The following ABTB2 variants were observed in gnomAD, a reference collection of about 807,000 sequenced individuals.
ABTB2 encodes ankyrin repeat and BTB domain containing 2.
In ABTB2, 56 loss-of-function variants were observed where a neutral mutation model predicts 104.1. The ratio of observed to expected loss-of-function variants is 0.54; its 90% CI spans 0.43 to 0.67. The LOEUF (loss-of-function observed/expected upper bound fraction) is 0.67. ABTB2 is among the 30% of genes least tolerant of loss of function. The pLI, the probability that ABTB2 is intolerant of heterozygous loss-of-function variation, is 0.00. For missense variants in ABTB2, 1,279 were observed against 1,407.7 expected, an observed-to-expected ratio of 0.91 and a Z score of 1.46; for synonymous variants, 606 against 608.2, an observed-to-expected ratio of 1.00 and a Z score of 0.05.
At chr11:34,205,730 A>C (rs568330302) in intron 1 of ABTB2, among the ~76,000 whole-genome samples, 1 of 152,320 alleles carries the variant, frequency 6.6e-6, no homozygotes, top group African/African-American at 2.4e-5. Flanking sequence ...GAAGTCCCTA[A>C]ACACGTGTGA....
At chr11:34,230,122 C>A (rs1214200567) in intron 1 of ABTB2, among the ~76,000 whole-genome samples, 1 of 152,212 alleles carries the variant, frequency 6.6e-6, no homozygotes, top group Non-Finnish European at 1.5e-5. Flanking sequence ...GTGGCACACG[C>A]ACTCAGCACT....
chr11:34,317,910 CTAATATG>C (rs1854957190), intron 1 of ABTB2, among the ~76,000 whole-genome samples: 1 of 151,894 alleles, frequency 6.6e-6, no homozygotes, highest in Non-Finnish European at 1.5e-5. Flanking sequence ...AACACTTTAC[CTAATATG>C]TAATTTTTCA....
rs289981 is a variant in ABTB2, at chr11:34,223,626, T to G, written c.884-18936A>C. ...ACTGTCACCCCTGCTTTGCAGCTTG[T>G]GCCTTGCAGGCAGCAGGCCTGGGGG... On this transcript the variant is annotated intron_variant, in intron 1 of 16. Coordinates refer to ENST00000435224, the MANE Select transcript of ABTB2 (RefSeq NM_145804.3). Among the ~76,000 whole-genome samples the G allele has an allele frequency of 6.3e-3, 955 of 152,234 alleles. 12 individuals are homozygous for G. Among genetic ancestry groups the G allele is most frequent in the African/African-American group, 0.021 (881 of 41,554 alleles).
Position 34,357,915 on chromosome 11 carries a change from G to T in ABTB2, c.-332C>A. On this transcript the variant is annotated 5_prime_UTR_variant, in exon 1 of 17. Coordinates refer to ENST00000435224, the MANE Select transcript of ABTB2 (RefSeq NM_145804.3). ...CAGAGAAGGAATCCCGGGAGAACAGGGCGGCGGCGGCAGAAGGAGGAGGCG... is the reference window on the plus strand; with the variant it reads ...CAGAGAAGGAATCCCGGGAGAACAGTGCGGCGGCGGCAGAAGGAGGAGGCG... 1 of 260,324 alleles carries T rather than the reference G, an allele frequency of 3.8e-6. No individual in the cohort carries two copies. Among genetic ancestry groups the T allele is most frequent in the South Asian group, 1.2e-4 (1 of 8,310 alleles). 16.1% of individuals were successfully genotyped at this position (260,324 alleles called of 1,614,324 possible).
At chr11:34,193,715 C>T in intron 3 of ABTB2, among the ~76,000 whole-genome samples, 1 of 152,218 alleles carries the variant, frequency 6.6e-6, no homozygotes, top group East Asian at 1.9e-4. Context: ...TTACTTAGCC[C>T]CATTTTACAG....
chr11:34,160,868 C>G (rs373513180), intron 11 of ABTB2, 35 bp downstream of exon 11: 1 of 1,568,600 alleles, frequency 6.4e-7, no homozygotes, highest in Non-Finnish European at 8.7e-7. Flanking sequence ...GAGTCTGGGC[C>G]GTGGGCTTGG....
At chr11:34,195,767 T>G (rs1171023555) in intron 3 of ABTB2, among the ~76,000 whole-genome samples, 1 of 152,196 alleles carries the variant, frequency 6.6e-6, no homozygotes, top group Non-Finnish European at 1.5e-5. Flanking sequence ...CTCAGCACAG[T>G]GCCTAGCACA....
intron 3 of ABTB2, among the ~76,000 whole-genome samples, chr11:34,186,989 T>A (rs1319438535): frequency 6.6e-6 from 1 of 152,212 alleles, no homozygotes; most frequent in East Asian, 1.9e-4. Context: ...ATTCATTGCA[T>A]TATTATTGAT....
intron 7 of ABTB2, among the ~76,000 whole-genome samples, chr11:34,165,958 C>T (rs571999006): frequency 7.0e-4 from 107 of 152,324 alleles, no homozygotes; most frequent in African/African-American, 2.4e-3. Context: ...GGGCCTCTCC[C>T]CATGCTAGCA....
chr11:34,314,278 G>A (rs923457384), intron 1 of ABTB2, among the ~76,000 whole-genome samples: 3 of 152,144 alleles, frequency 2.0e-5, no homozygotes, highest in East Asian at 1.9e-4. Context: ...TGTTCTTCTC[G>A]GATATGCTGA....
chr11:34,225,915 G>C (rs2473900), intron 1 of ABTB2, among the ~76,000 whole-genome samples: 23,664 of 149,766 alleles, frequency 0.16, 1,943 homozygotes, highest in East Asian at 0.27. Context: ...TTTAGAAGCC[G>C]CTATCAAGCC....
chr11:34,152,191 G>A lies in ABTB2; in HGVS notation c.*196C>T, dbSNP rs1229592654. The A allele has an allele frequency of 1.1e-5, 7 of 624,428 alleles. No homozygotes were observed. In the East Asian group the frequency reaches 2.0e-4, roughly 18 times the overall value. 38.7% of individuals were successfully genotyped at this position (624,428 alleles called of 1,614,324 possible). ...CACCAGTTAGCTACATCTCCCCTTT[G>A]CCCATCAGTGATTGAACAAACAGCT... On this transcript the variant is annotated 3_prime_UTR_variant, in exon 17 of 17. Transcript: ENST00000435224.
intron 1 of ABTB2, among the ~76,000 whole-genome samples, chr11:34,260,844 C>A (rs113433754): frequency 6.6e-6 from 1 of 152,164 alleles, no homozygotes; most frequent in Non-Finnish European, 1.5e-5. Context: ...TACAGCCACA[C>A]GTCCTTGTCC....
At chr11:34,299,447 C>T (rs981631889) in intron 1 of ABTB2, among the ~76,000 whole-genome samples, 7 of 152,124 alleles carry the variant, frequency 4.6e-5, no homozygotes, top group African/African-American at 1.2e-4. Context: ...GGAGGAGCTG[C>T]GTGTTTGGAA....
intron 3 of ABTB2, among the ~76,000 whole-genome samples, chr11:34,174,780 C>T (rs1224378269): frequency 6.6e-6 from 1 of 151,964 alleles, no homozygotes; most frequent in Non-Finnish European, 1.5e-5. Context: ...GGAGCTCTTT[C>T]CCTGCTCCAT....
chr11:34,343,765 T>C (rs1268625977), intron 1 of ABTB2, among the ~76,000 whole-genome samples: 3 of 152,182 alleles, frequency 2.0e-5, no homozygotes, highest in Admixed American at 2.0e-4. Flanking sequence ...TGAGCCACCA[T>C]GCCTGGCTGA....
chr11:34,227,787 T>G (rs949909079), intron 1 of ABTB2, among the ~76,000 whole-genome samples: 2 of 152,088 alleles, frequency 1.3e-5, no homozygotes, highest in African/African-American at 4.8e-5. Flanking sequence ...CAGGCTGGAG[T>G]GCAATGGCAT....
At chr11:34,205,980 C>T (rs12289046) in intron 1 of ABTB2, among the ~76,000 whole-genome samples, 3,924 of 152,264 alleles carry the variant, frequency 0.026, 164 homozygotes, top group African/African-American at 0.089. Context: ...GCTCAGAGTA[C>T]ATGCTCTACC....
chr11:34,334,784 G>A lies in ABTB2; in HGVS notation c.883+21917C>T, dbSNP rs866980607. 7.7e-4 allele frequency among the ~76,000 whole-genome samples: 99 copies of A among 128,292 alleles called. 1 individual carries two copies. The highest frequency in any genetic ancestry group is 8.1e-3 in the Middle Eastern group (2 of 246). The allele number at this position is 128,292 out of a possible 152,430, so 84.2% of individuals were successfully genotyped here. A position where few individuals can be genotyped will look rare whatever the true frequency, so the allele number is the denominator to read the frequency against. ...AATATTTGGGTTTTTTTTTTTTTTC[G>A]TAACCAAATGTGTGATTTATTTTTG... On this transcript the variant is annotated intron_variant, in intron 1 of 16. Coordinates refer to ENST00000435224, the MANE Select transcript of ABTB2 (RefSeq NM_145804.3).
Sources: gnomAD v4.1 joint callset for allele counts (sites outside exome capture counted in the v4.1 genomes callset) on GRCh38, gnomAD v4.1.1 for gene constraint, MANE v1.5 for transcripts, NCBI Gene and HGNC (gene_info 2026-07-23, HGNC 2026-07-21) for gene names.